The following NDEL1 variants were observed in gnomAD, a reference collection of about 807,000 sequenced individuals.
NDEL1 encodes nudE neurodevelopment protein 1 like 1.
NDEL1 carries 9 observed loss-of-function variants against 45.7 expected under a neutral mutation model. The ratio of observed to expected loss-of-function variants is 0.20; its 90% CI spans 0.12 to 0.34. The LOEUF (loss-of-function observed/expected upper bound fraction) is 0.34. Ranked by LOEUF, NDEL1 falls within the 10% of genes least tolerant of loss-of-function variation. The pLI, the probability that NDEL1 is intolerant of heterozygous loss-of-function variation, is 1.00. For synonymous variants in NDEL1, 133 were observed against 158.6 expected (o/e 0.84, Z 1.21); for missense variants, 306 against 406.2 (o/e 0.75, Z 2.12).
At chr17:8,449,201 T>C (rs1249516561) in intron 5 of NDEL1, among the ~76,000 whole-genome samples, 1 of 152,220 alleles carries the variant, frequency 6.6e-6, no homozygotes, top group Non-Finnish European at 1.5e-5. Flanking sequence ...CAGGCTGATC[T>C]CGAACTCCTG....
At position 8,448,540 on chromosome 17, in the gene NDEL1, TTC is replaced by T. The variant is rs756618173; in HGVS notation, c.390-8_390-7del. On this transcript the variant is annotated splice_region_variant and splice_polypyrimidine_tract_variant and intron_variant, in intron 4 of 8. Transcript: ENST00000334527. ...TTATTTAATTCATGTACTCTAATTT[TTC>T]TTTTTAGGGCAACAATAGTTTCACT... The T allele has an allele frequency of 6.2e-7, 1 of 1,609,380 alleles. No individual in the cohort carries two copies. Among genetic ancestry groups the T allele is most frequent in the East Asian group, 2.2e-5 (1 of 44,818 alleles).
intron 4 of NDEL1, among the ~76,000 whole-genome samples, chr17:8,448,181 G>C (rs1436598307): frequency 6.6e-6 from 1 of 152,270 alleles, no homozygotes; most frequent in Non-Finnish European, 1.5e-5. Context: ...TCCCTGACTT[G>C]GGACTTAATG....
At chr17:8,427,936 A>G (rs1441956827) in intron 1 of NDEL1, among the ~76,000 whole-genome samples, 17 of 152,114 alleles carry the variant, frequency 1.1e-4, no homozygotes, top group Non-Finnish European at 2.5e-4. Flanking sequence ...AAAATTTCAC[A>G]TCTTGGTTAC....
In NDEL1 at chr17:8,454,416, G is replaced by C. The variant is rs559892493; in HGVS notation, c.701-380G>C. Reference sequence around the variant, plus strand: ...AAGATAATATCTAATATTATCAAGGGCACCACCGCATAGATTGCTGATATT... The same window carrying C: ...AAGATAATATCTAATATTATCAAGGCCACCACCGCATAGATTGCTGATATT... On this transcript the variant is annotated intron_variant, in intron 6 of 8. Transcript: ENST00000334527. Among the ~76,000 whole-genome samples, 5 of 152,038 alleles carry C rather than the reference G, an allele frequency of 3.3e-5. No homozygotes were observed. In the South Asian group the frequency reaches 1.0e-3, roughly 32 times the overall value.
chr17:8,445,940 A>G, intron 3 of NDEL1, 76 bp downstream of exon 3: 1 of 1,297,836 alleles, frequency 7.7e-7, no homozygotes, highest in South Asian at 2.6e-5. Flanking sequence ...TCAGGTGCTT[A>G]AGAGCAGCTG....
At chr17:8,442,844 C>CA (rs1909842551) in intron 1 of NDEL1, among the ~76,000 whole-genome samples, 1 of 140,946 alleles carries the variant, frequency 7.1e-6, no homozygotes, top group African/African-American at 2.7e-5. Flanking sequence ...GGCTGGAGTG[C>CA]AGTGGCGCAA....
chr17:8,428,349 TGTGTGTGTGTGTA>T lies in NDEL1; in HGVS notation c.-13+15081_-13+15093del, dbSNP rs1257336769. On this transcript the variant is annotated intron_variant, in intron 1 of 4. Transcript: ENST00000582812. ...GTGTGTGTGTGTGTGTGTGTGTGTGTGTGTGTGTGTGTATTTTTTTTTTTTTTTTTTCCGAGAC... is the reference window on the plus strand; with the variant it reads ...GTGTGTGTGTGTGTGTGTGTGTGTGTTTTTTTTTTTTTTTTTTTCCGAGAC... Among the ~76,000 whole-genome samples, 376 of 135,188 alleles carry T rather than the reference TGTGTGTGTGTGTA, an allele frequency of 2.8e-3. 24 individuals carry two copies. The highest frequency in any genetic ancestry group is 7.5e-3 in the South Asian group (31 of 4,130). 88.7% of individuals were successfully genotyped at this position (135,188 alleles called of 152,430 possible).
At chr17:8,422,390 C>T (rs1396792736) in intron 1 of NDEL1, among the ~76,000 whole-genome samples, 2 of 151,904 alleles carry the variant, frequency 1.3e-5, no homozygotes, top group Non-Finnish European at 2.9e-5. Context: ...CTCACTGCAA[C>T]CTCTGCCTCC....
intron 1 of NDEL1, among the ~76,000 whole-genome samples, chr17:8,415,899 C>T (rs1049633767): frequency 1.4e-4 from 21 of 152,332 alleles, no homozygotes; most frequent in South Asian, 2.1e-4. Context: ...AGGCGCCTGC[C>T]ACCATGTCCG....
intron 8 of NDEL1, chr17:8,463,270 G>A (rs1911339377): frequency 1.3e-6 from 2 of 1,496,310 alleles, no homozygotes; most frequent in Non-Finnish European, 1.9e-6. Context: ...GGCGTGATGT[G>A]GAAATAGTAT....
Position 8,468,152 on chromosome 17 carries a change from A to G in NDEL1, c.*1129A>G, listed in dbSNP as rs184281655. 1.0e-3 allele frequency: 160 copies of G among 152,552 alleles called. 4 individuals carry two copies. Among genetic ancestry groups the G allele is most frequent in the Non-Finnish European group, 1.0e-4 (7 of 68,036 alleles). 9.4% of individuals were successfully genotyped at this position (152,552 alleles called of 1,614,324 possible). A position where few individuals can be genotyped will look rare whatever the true frequency, so the allele number is the denominator to read the frequency against. ...TTAATGTGGAAACAATAAATTTCAC[A>G]GAAAAAAAGGATTGACGTTGCTTTA... On this transcript the variant is annotated 3_prime_UTR_variant, in exon 9 of 9. Transcript: ENST00000334527.
intron 1 of NDEL1, among the ~76,000 whole-genome samples, chr17:8,437,242 G>T (rs1034453862): frequency 2.0e-5 from 3 of 152,160 alleles, no homozygotes; most frequent in Non-Finnish European, 2.9e-5. Context: ...TAAAATTATT[G>T]TTATTTAAAA....
chr17:8,436,209 C>A (rs1218270086), intron 1 of NDEL1, 164 bp downstream of exon 1: 2 of 233,568 alleles, frequency 8.6e-6, no homozygotes, highest in Non-Finnish European at 1.7e-5. Context: ...CTGTTCCAAC[C>A]GCTCTAACTG....
downstream of NDEL1, among the ~76,000 whole-genome samples, chr17:8,469,719 T>C (rs1911788320): frequency 6.6e-6 from 1 of 151,962 alleles, no homozygotes; most frequent in African/African-American, 2.4e-5. Flanking sequence ...TTTTTTTTTT[T>C]TTGAGATGGA....
chr17:8,457,142 C>T (rs8064655), intron 7 of NDEL1, among the ~76,000 whole-genome samples: 60,935 of 152,044 alleles, frequency 0.4, 12,227 homozygotes, highest in South Asian at 0.45. Context: ...CTTTTCCTAG[C>T]ATTTCTGTTT....
intron 4 of NDEL1, among the ~76,000 whole-genome samples, chr17:8,447,903 C>T (rs746995494): frequency 6.8e-6 from 1 of 147,994 alleles, no homozygotes; most frequent in African/African-American, 2.5e-5. Context: ...TATGTTAATA[C>T]CCTAGTAAAA....
intron 1 of NDEL1, among the ~76,000 whole-genome samples, chr17:8,419,766 GATTT>G (rs1908655772): frequency 6.6e-6 from 1 of 152,122 alleles, no homozygotes; most frequent in Non-Finnish European, 1.5e-5. Context: ...GACTCATAGA[GATTT>G]TCTAGCACTT....
intron 6 of NDEL1, among the ~76,000 whole-genome samples, chr17:8,454,423 C>T (rs750331465): frequency 2.0e-5 from 3 of 151,920 alleles, no homozygotes; most frequent in Non-Finnish European, 2.9e-5. Flanking sequence ...AGGGCACCAC[C>T]GCATAGATTG....
chr17:8,445,908 A>T (rs1370527377), intron 3 of NDEL1, 44 bp downstream of exon 3: 1 of 1,374,378 alleles, frequency 7.3e-7, no homozygotes, highest in Non-Finnish European at 9.5e-7. Context: ...GTTGAGTTTT[A>T]TTAAAATGAG....
Sources: gnomAD v4.1 joint callset for allele counts (sites outside exome capture counted in the v4.1 genomes callset) on GRCh38, gnomAD v4.1.1 for gene constraint, MANE v1.5 for transcripts, NCBI Gene and HGNC (gene_info 2026-07-23, HGNC 2026-07-21) for gene names.